The following FLI1 variants were observed in gnomAD, a reference collection of about 807,000 sequenced individuals.
FLI1 encodes the protein Fli-1 proto-oncogene, ETS transcription factor.
In FLI1, 13 loss-of-function variants were observed where a neutral mutation model predicts 53.1. The ratio of observed to expected loss-of-function variants is 0.24; its 90% confidence interval spans 0.16 to 0.39. The LOEUF is 0.39. Among genes scored for constraint, FLI1 ranks in the 10% least tolerant of loss-of-function variants. The probability of loss-of-function intolerance (pLI) is 1.00; values close to 1 mark genes in which losing one functional copy is unlikely to be tolerated. For synonymous variants in FLI1, 244 were observed against 236.7 expected (o/e 1.03, Z -0.28); for missense variants, 424 against 600.5 (o/e 0.71, Z 3.07).
intron 1 of FLI1, among the ~76,000 whole-genome samples, chr11:128,741,905 G>C (rs1251249749): frequency 6.6e-6 from 1 of 152,190 alleles, no homozygotes; most frequent in Admixed American, 6.5e-5. Flanking sequence ...TGCCTGGACT[G>C]TCTCGGGAGC....
chr11:128,799,264 A>G (rs1353062167), intron 5 of FLI1, among the ~76,000 whole-genome samples: 2 of 151,974 alleles, frequency 1.3e-5, no homozygotes, highest in Non-Finnish European at 2.9e-5. Flanking sequence ...GCACAGGAAT[A>G]AAACTGTCCT....
In FLI1 at chr11:128,810,315, A is replaced by G. The variant is rs1289473787; in HGVS notation, c.830-144A>G. 5.2e-6 allele frequency: 4 copies of G among 764,012 alleles called. No homozygotes were observed. The highest frequency in any genetic ancestry group is 8.3e-6 in the Non-Finnish European group (4 of 484,844). 47.3% of individuals were successfully genotyped at this position (764,012 alleles called of 1,614,324 possible). On this transcript the variant is annotated intron_variant, in intron 8 of 8. Transcript: ENST00000527786. The surrounding 1 kb of genome is among the most constrained non-coding windows in gnomAD (Gnocchi z 6.6). ...AAGGCAAATCAACAATGACATAAGA[A>G]GGGCTTGTCAAGTCGATCCCAATGT...
intron 5 of FLI1, among the ~76,000 whole-genome samples, chr11:128,794,388 A>G (rs754053966): frequency 1.9e-4 from 29 of 152,214 alleles, no homozygotes; most frequent in Non-Finnish European, 3.4e-4. Context: ...ATTTGAGGCG[A>G]TTGGTAGCTG....
intron 2 of FLI1, among the ~76,000 whole-genome samples, chr11:128,762,956 CA>C (rs11301220): frequency 0.39 from 56,979 of 146,176 alleles, 10,901 homozygotes; most frequent in East Asian, 0.61. Flanking sequence ...AACACCATCT[CA>C]AAAAAAAAAA....
intron 1 of FLI1, among the ~76,000 whole-genome samples, chr11:128,697,456 G>A (rs897300570): frequency 6.6e-6 from 1 of 152,150 alleles, no homozygotes; most frequent in African/African-American, 2.4e-5. Context: ...CTAGAAAATG[G>A]GGCCAAAGCA....
Position 128,694,087 on chromosome 11 carries a change from A to G in FLI1, c.-172A>G, listed in dbSNP as rs1033034681. The G allele has an allele frequency of 2.0e-4, 104 of 521,438 alleles. No individual in the cohort carries two copies. In the East Asian group the frequency reaches 3.6e-3, roughly 18 times the overall value. The allele number at this position is 521,438 out of a possible 1,614,324, so 32.3% of individuals were successfully genotyped here. ...GGTTAACTGTCTCTTTCGCTCCGCT[A>G]CAACAACAAACGTGCACAGGGGAGT... On this transcript the variant is annotated 5_prime_UTR_variant, in exon 1 of 9. Transcript: ENST00000527786.
chr11:128,808,301 A>T (rs1942838788), intron 7 of FLI1, among the ~76,000 whole-genome samples: 1 of 152,218 alleles, frequency 6.6e-6, no homozygotes, highest in Non-Finnish European at 1.5e-5. Flanking sequence ...AACTGCAATT[A>T]TAGTTGAAAA....
intron 1 of FLI1, among the ~76,000 whole-genome samples, chr11:128,733,826 G>A (rs1166436579): frequency 6.6e-6 from 1 of 152,222 alleles, no homozygotes; most frequent in Non-Finnish European, 1.5e-5. Flanking sequence ...GGTACCCAGA[G>A]AGGCACATGT....
intron 1 of FLI1, among the ~76,000 whole-genome samples, chr11:128,688,605 C>A (rs773780667): frequency 2.4e-4 from 36 of 151,496 alleles, no homozygotes; most frequent in Non-Finnish European, 4.3e-4. Context: ...CCCAGCCTGG[C>A]CCCTAGGGGC....
chr11:128,768,536 A>C, intron 3 of FLI1: 3 of 442,200 alleles, frequency 6.8e-6, no homozygotes, highest in Non-Finnish European at 8.4e-6. Context: ...AAAAAATACA[A>C]AAATTAGCCA....
chr11:128,760,745 C>G (rs941302954), intron 2 of FLI1, among the ~76,000 whole-genome samples: 2 of 152,052 alleles, frequency 1.3e-5, no homozygotes, highest in Non-Finnish European at 2.9e-5. Context: ...CCCGGCTGGT[C>G]TTCAACTCCT....
upstream of FLI1, among the ~76,000 whole-genome samples, chr11:128,685,155 GC>G (rs1360279559): frequency 6.6e-6 from 1 of 152,374 alleles, no homozygotes; most frequent in East Asian, 1.9e-4. Context: ...CTCCTGCACA[GC>G]GGCTCCTGCA....
In FLI1 at chr11:128,772,069, CACACACACAT is replaced by C. The variant is rs1295585529; in HGVS notation, c.386-704_386-695del. On this transcript the variant is annotated intron_variant, in intron 3 of 8. Coordinates refer to ENST00000527786, the MANE Select transcript of FLI1 (RefSeq NM_002017.5). ...ACACACACACACACACACACACACA[CACACACACAT>C]ACACACACTGAGAAGGAGGAGGAGG... Among the ~76,000 whole-genome samples, 1,138 of 120,466 alleles carry C rather than the reference CACACACACAT, an allele frequency of 9.4e-3. 22 individuals carry two copies. The highest frequency in any genetic ancestry group is 0.033 in the African/African-American group (1,088 of 33,392). The allele number at this position is 120,466 out of a possible 152,430, so 79.0% of individuals were successfully genotyped here.
intron 2 of FLI1, among the ~76,000 whole-genome samples, chr11:128,758,870 T>C (rs1331228665): frequency 6.6e-6 from 1 of 152,142 alleles, no homozygotes; most frequent in Non-Finnish European, 1.5e-5. Context: ...GTTCGGGCTT[T>C]GCTTGTAGAA....
intron 2 of FLI1, among the ~76,000 whole-genome samples, chr11:128,760,648 C>T (rs1941079241): frequency 6.6e-6 from 1 of 151,492 alleles, no homozygotes; most frequent in African/African-American, 2.4e-5. Context: ...TTGCCTCAGC[C>T]TCCTGAGTAT....
chr11:128,698,711 CGTGTGTGTGT>C (rs10557859), intron 1 of FLI1, among the ~76,000 whole-genome samples: 1 of 144,440 alleles, frequency 6.9e-6, no homozygotes, highest in African/African-American at 2.6e-5. Flanking sequence ...TATGTGTTTG[CGTGTGTGTGT>C]GTGTGTGTGT....
At position 128,750,554 on chromosome 11, in the gene FLI1, G is replaced by A. The variant is rs140806292; in HGVS notation, c.19-7561G>A. On this transcript the variant is annotated intron_variant, in intron 1 of 8. Transcript: ENST00000527786. ...GCAGAAATTTCTGTTATGTCTTCCC[G>A]AGTGAAATGGGGAGATACTCAAACC... 1.8e-3 allele frequency among the ~76,000 whole-genome samples: 278 copies of A among 152,276 alleles called. 7 individuals are homozygous for A. The East Asian group carries it at 0.036, about 20-fold the overall frequency.
chr11:128,792,683 A>T (rs1262358675), intron 5 of FLI1, among the ~76,000 whole-genome samples: 3 of 152,010 alleles, frequency 2.0e-5, no homozygotes, highest in Non-Finnish European at 4.4e-5. Flanking sequence ...TTTCATTGTT[A>T]TGCTTTATAA....
At chr11:128,723,891 A>G (rs1170773122) in intron 1 of FLI1, among the ~76,000 whole-genome samples, 4 of 150,060 alleles carry the variant, frequency 2.7e-5, no homozygotes, top group African/African-American at 9.8e-5. Context: ...GACCCAACAG[A>G]GTCAGGAACA....
Sources: allele counts gnomAD v4.1 joint callset (sites outside exome capture counted in the v4.1 genomes callset), GRCh38; gene constraint gnomAD v4.1.1; non-coding constraint Gnocchi (gnomAD v3.1); transcripts MANE v1.5; gene names NCBI Gene and HGNC (gene_info 2026-07-23, HGNC 2026-07-21).